Variants in MYH9 observed in about 807,000 individuals in gnomAD.
The protein encoded by MYH9 is myosin heavy chain 9, also known as myosin-9.
Under a neutral mutation model 241.9 loss-of-function variants are expected in MYH9, and 29 were observed. The ratio of observed to expected loss-of-function variants is 0.12; its 90% CI spans 0.09 to 0.16. The LOEUF (loss-of-function observed/expected upper bound fraction) is 0.16, where lower values mean the gene tolerates loss of function less well. Among genes scored for constraint, MYH9 ranks in the 10% least tolerant of loss-of-function variants. The probability of loss-of-function intolerance (pLI) is 1.00; values close to 1 mark genes in which losing one functional copy is unlikely to be tolerated. For missense variants in MYH9, 1,803 were observed against 2,595.5 expected (o/e 0.69, Z 6.63); for synonymous variants, 1,047 against 1,062.6 (o/e 0.99, Z 0.29).
At chr22:36,386,247 T>C (rs1253230853) in intron 1 of MYH9, among the ~76,000 whole-genome samples, 1 of 152,082 alleles carries the variant, frequency 6.6e-6, no homozygotes, top group African/African-American at 2.4e-5. Flanking sequence ...ACGGGCCAGG[T>C]CTTACTCAAC....
intron 35 of MYH9, 86 bp downstream of exon 35, chr22:36,286,632 C>A: frequency 6.3e-7 from 1 of 1,587,974 alleles, no homozygotes; most frequent in Non-Finnish European, 8.6e-7. Flanking sequence ...CAGTAGGACT[C>A]CAGCCCTGTC....
rs774593736 is a variant in MYH9, at chr22:36,326,601, G to A, written c.579C>T (p.Tyr193=). ...NTKKVIQYLA[Y]VASSHKSKKD... ...TCTTGCTCTTGTGCGAGGACGCCAC[G>A]TACGCCAGATACTGGATGACCTTCT... Residue 193 remains tyrosine (Y), a synonymous_variant, in exon 5 of 41, where the codon TAC becomes TAT. Coordinates refer to ENST00000216181, the MANE Select transcript of MYH9 (RefSeq NM_002473.6). 4.0e-5 allele frequency: 64 copies of A among 1,614,126 alleles called. No individual in the cohort carries two copies. Among genetic ancestry groups the A allele is most frequent in the South Asian group, 9.9e-5 (9 of 91,088 alleles).
rs950381209 is a variant in MYH9, at chr22:36,377,100, C to G, written c.-20+10707G>C. ...AGTGAAGACACCAATGAGACCTGAA[C>G]CCCATTTGTGCAATAAGGACTAGGA... On this transcript the variant is annotated intron_variant, in intron 1 of 40. Transcript: ENST00000216181. Among the ~76,000 whole-genome samples the G allele has an allele frequency of 3.3e-5, 5 of 151,298 alleles. No homozygotes were observed. In the East Asian group the frequency reaches 7.7e-4, roughly 23 times the overall value.
Position 36,300,892 on chromosome 22 carries a change from G to A in MYH9, c.2797C>T (p.His933Tyr). 2 of 1,605,582 alleles carry A rather than the reference G, an allele frequency of 1.2e-6. No individual in the cohort carries two copies. The highest frequency in any genetic ancestry group is 1.7e-6 in the Non-Finnish European group (2 of 1,179,970). The part of the protein sequence containing the change: ...RVEEEEERCQ[H>Y]LQAEKKKMQQ... ...ATCTTCTTCTTCTCCGCCTGCAGGT[G>A]CTGGCAGCGCTCCTCCTCCTCCTCC... is the stretch of plus-strand genomic sequence containing the variant. The change falls in exon 22 of 41, where the codon CAC (histidine) becomes TAC (tyrosine). Residue 933 changes from histidine (H) to tyrosine (Y), a missense_variant. By Grantham distance (83) the His-to-Tyr change is moderately conservative. Transcript: ENST00000216181. This position sits in a 1 kb window ranked among gnomAD's most constrained non-coding sequence, Gnocchi z 5.0.
In MYH9 at chr22:36,314,140, C is replaced by T; in HGVS notation, c.1554+5G>A. The T allele has an allele frequency of 6.2e-7, 1 of 1,613,858 alleles. No individual in the cohort carries two copies. Among genetic ancestry groups the T allele is most frequent in the South Asian group, 1.1e-5 (1 of 91,082 alleles). On this transcript the variant is annotated splice_donor_5th_base_variant and intron_variant, in intron 13 of 40. Coordinates refer to ENST00000216181, the MANE Select transcript of MYH9 (RefSeq NM_002473.6). ...GTGTGAGGTCAAAGCAAGCCTGGTA[C>T]TCACTGGCTTCTCAATGAGGTCGAT... is the stretch of plus-strand genomic sequence containing the variant.
At chr22:36,339,326 T>G (rs1603483826) in intron 3 of MYH9, among the ~76,000 whole-genome samples, 1 of 152,222 alleles carries the variant, frequency 6.6e-6, no homozygotes, top group East Asian at 1.9e-4. Context: ...CGGAGTACAC[T>G]TTTTGCACTA....
At chr22:36,347,699 C>T (rs770111689) in intron 2 of MYH9, among the ~76,000 whole-genome samples, 8 of 151,212 alleles carry the variant, frequency 5.3e-5, no homozygotes, top group Non-Finnish European at 1.2e-4. Flanking sequence ...CATGCCACTG[C>T]ACTCCAGTCT....
In MYH9 at chr22:36,314,646, T is replaced by TTTTTTTA. The variant is rs1332701420; in HGVS notation, c.1381-335_1381-329dup. On this transcript the variant is annotated intron_variant, in intron 12 of 40. Transcript: ENST00000216181. ...TGTGATCGAGTAATACATTGTTTTT[T>TTTTTTTA]TTTTTTATTTTTTATTTTTTGAGAC... 2.0e-5 allele frequency among the ~76,000 whole-genome samples: 3 copies of TTTTTTTA among 152,090 alleles called. No homozygotes were observed. The East Asian group carries it at 5.8e-4, about 29-fold the overall frequency.
At chr22:36,371,732 A>G (rs2018093245) in intron 1 of MYH9, among the ~76,000 whole-genome samples, 1 of 151,916 alleles carries the variant, frequency 6.6e-6, no homozygotes, top group Non-Finnish European at 1.5e-5. Flanking sequence ...AGACGGTTTC[A>G]CCATGTTGGC....
At position 36,329,091 on chromosome 22, in the gene MYH9, G is replaced by A. The variant is rs1009291977; in HGVS notation, c.491-1603C>T. On this transcript the variant is annotated intron_variant, in intron 3 of 40. Coordinates refer to ENST00000216181, the MANE Select transcript of MYH9 (RefSeq NM_002473.6). This position sits in a 1 kb window ranked among gnomAD's most constrained non-coding sequence, Gnocchi z 4.1. ...AACAAACCTCACACCCAACACCAATGGCAGCTGCCCCTGCCCTGGGCCGCA... is the reference window on the plus strand; with the variant it reads ...AACAAACCTCACACCCAACACCAATAGCAGCTGCCCCTGCCCTGGGCCGCA... 2 of 152,326 alleles carry A rather than the reference G, an allele frequency of 1.3e-5. No individual in the cohort carries two copies. The highest frequency in any genetic ancestry group is 2.9e-5 in the Non-Finnish European group (2 of 68,144). 9.4% of individuals were successfully genotyped at this position (152,326 alleles called of 1,614,324 possible).
At chr22:36,322,981 T>C (rs555076718) in intron 5 of MYH9, among the ~76,000 whole-genome samples, 2 of 152,352 alleles carry the variant, frequency 1.3e-5, no homozygotes, top group South Asian at 2.1e-4. Flanking sequence ...CTGGAAAATA[T>C]ACACGCTCAT....
chr22:36,313,134 C>T (rs2017092549), intron 13 of MYH9, among the ~76,000 whole-genome samples: 1 of 146,644 alleles, frequency 6.8e-6, no homozygotes, highest in African/African-American at 2.5e-5. Flanking sequence ...AAACTTTGTC[C>T]TAGGCCTTCT....
intron 1 of MYH9, among the ~76,000 whole-genome samples, chr22:36,382,881 C>T (rs764538654): frequency 6.6e-6 from 1 of 152,084 alleles, no homozygotes; most frequent in Non-Finnish European, 1.5e-5. Flanking sequence ...CTTGTGGGCA[C>T]ATAAACTGGT....
intron 1 of MYH9, among the ~76,000 whole-genome samples, chr22:36,374,634 C>A (rs12158337): frequency 6.6e-6 from 1 of 152,248 alleles, no homozygotes; most frequent in African/African-American, 2.4e-5. Context: ...GCTGGCCACA[C>A]AACCAGAGGG....
intron 38 of MYH9, among the ~76,000 whole-genome samples, chr22:36,284,866 C>T (rs1434206323): frequency 6.6e-6 from 1 of 152,160 alleles, no homozygotes; most frequent in Admixed American, 6.5e-5. Context: ...CCTGTACCTC[C>T]TGCTCTGATT....
At chr22:36,322,635 G>C (rs1195305882) in intron 5 of MYH9, 114 bp from the exon 6 acceptor site, 4 of 1,036,180 alleles carry the variant, frequency 3.9e-6, no homozygotes, top group African/African-American at 1.6e-5. Flanking sequence ...AACGTGCCAG[G>C]AACAGAGGTT....
intron 3 of MYH9, among the ~76,000 whole-genome samples, chr22:36,339,090 A>G (rs139855138): frequency 6.6e-6 from 1 of 152,362 alleles, no homozygotes; most frequent in Non-Finnish European, 1.5e-5. Flanking sequence ...TTGTTGTTGA[A>G]CAAATAAAAA....
rs771505950 is a variant in MYH9 at position 36,284,209 on chromosome 22, T to C, written c.5649A>G (p.Glu1883=). ...AGGCGTTGGCCCGCTGGGCCTCCTC[T>C]TCGGCCTCCTCCAGCTGCCGCTTGA... ...KQLKRQLEEA[E]EEAQRANASR... is the part of the protein sequence containing the mutation. The change falls in exon 40 of 41, where the codon GAA becomes GAG. Residue 1883 remains glutamate, a synonymous_variant. Transcript: ENST00000216181. 7 of 1,613,334 alleles carry C rather than the reference T, an allele frequency of 4.3e-6. No homozygotes were observed. In the South Asian group the frequency reaches 4.4e-5, roughly 10 times the overall value.
At chr22:36,350,107 G>A (rs555403503) in intron 1 of MYH9, among the ~76,000 whole-genome samples, 9 of 152,310 alleles carry the variant, frequency 5.9e-5, no homozygotes, top group African/African-American at 1.9e-4. Context: ...AAGATGCCAG[G>A]TTCCAAGAAA....
Sources: gnomAD v4.1 joint callset for allele counts (sites outside exome capture counted in the v4.1 genomes callset) on GRCh38, gnomAD v4.1.1 for gene constraint, Gnocchi (gnomAD v3.1) non-coding constraint, MANE v1.5 for transcripts, NCBI Gene and HGNC (gene_info 2026-07-23, HGNC 2026-07-21) for gene names.